The following FAM117A variants were observed in gnomAD, a reference collection of about 807,000 sequenced individuals.
FAM117A encodes protein FAM117A.
A neutral mutation model predicts 44.1 loss-of-function variants in FAM117A; 21 were observed. The ratio of observed to expected loss-of-function variants is 0.48; its 90% confidence interval spans 0.34 to 0.69. The LOEUF (loss-of-function observed/expected upper bound fraction) is 0.69, where lower values mean the gene tolerates loss of function less well. Ranked by LOEUF, FAM117A falls within the 30% of genes least tolerant of loss-of-function variation. The pLI, the probability that FAM117A is intolerant of heterozygous loss-of-function variation, is 0.01. For missense variants in FAM117A, 498 were observed against 589.9 expected (o/e 0.84, Z 1.61); for synonymous variants, 220 against 238.3 (o/e 0.92, Z 0.71).
intron 1 of FAM117A, among the ~76,000 whole-genome samples, chr17:49,785,027 A>G (rs2073801800): frequency 6.6e-6 from 1 of 152,274 alleles, no homozygotes; most frequent in Non-Finnish European, 1.5e-5. Flanking sequence ...AGTCACTAAC[A>G]TTAGAATGTT....
upstream of FAM117A, chr17:49,788,924 C>T (rs1042239168): frequency 7.2e-7 from 1 of 1,379,724 alleles, no homozygotes; most frequent in African/African-American, 1.5e-5. Flanking sequence ...TTGGCCACGC[C>T]TCACAGTGCT....
chr17:49,718,628 G>A (rs979892597), intron 5 of FAM117A, among the ~76,000 whole-genome samples: 1 of 150,036 alleles, frequency 6.7e-6, no homozygotes, highest in Non-Finnish European at 1.5e-5. Flanking sequence ...CCCAGATCAC[G>A]CCACTGCACT....
intron 2 of FAM117A, among the ~76,000 whole-genome samples, chr17:49,727,957 G>A (rs2073567483): frequency 6.6e-6 from 1 of 152,228 alleles, no homozygotes; most frequent in African/African-American, 2.4e-5. Flanking sequence ...AAATTCTGCA[G>A]GGAATCAGTC....
At chr17:49,771,272 T>C (rs1394359419) in intron 1 of FAM117A, among the ~76,000 whole-genome samples, 1 of 152,202 alleles carries the variant, frequency 6.6e-6, no homozygotes, top group Non-Finnish European at 1.5e-5. Flanking sequence ...GGTTTATAAA[T>C]TATACCTCAA....
chr17:49,715,813 G>A (rs192237296), intron 7 of FAM117A, among the ~76,000 whole-genome samples: 1,698 of 151,978 alleles, frequency 0.011, 34 homozygotes, highest in East Asian at 0.098. Flanking sequence ...CCCATCTCTC[G>A]CTCTCGCTCT....
chr17:49,779,765 A>C (rs971902133), intron 1 of FAM117A, among the ~76,000 whole-genome samples: 1 of 152,198 alleles, frequency 6.6e-6, no homozygotes, highest in Non-Finnish European at 1.5e-5. Flanking sequence ...ATAGTTTTCC[A>C]GGGGTATTAA....
intron 1 of FAM117A, among the ~76,000 whole-genome samples, chr17:49,746,419 A>C (rs574231799): frequency 2.5e-4 from 38 of 152,366 alleles, no homozygotes; most frequent in African/African-American, 8.7e-4. Flanking sequence ...CAACTGGGTC[A>C]CTAGACTTCT....
At chr17:49,741,510 T>G (rs1034113285) in intron 1 of FAM117A, among the ~76,000 whole-genome samples, 1 of 152,202 alleles carries the variant, frequency 6.6e-6, no homozygotes, top group Non-Finnish European at 1.5e-5. Context: ...TACATGCTTT[T>G]CTACAACCTG....
intron 1 of FAM117A, among the ~76,000 whole-genome samples, chr17:49,771,175 C>T (rs1050651984): frequency 5.3e-5 from 8 of 152,136 alleles, no homozygotes; most frequent in Non-Finnish European, 1.2e-4. Context: ...CCACTGCACT[C>T]CGGCCCAGGC....
At chr17:49,788,546 C>T in exon 1 of FAM117A, 2 of 394,016 alleles carry the variant, frequency 5.1e-6, no homozygotes, top group Admixed American at 4.4e-5. Context: ...TCACTTTCTG[C>T]CCAACTTCAA....
chr17:49,768,767 C>A (rs1325236508), upstream of FAM117A, among the ~76,000 whole-genome samples: 1 of 152,164 alleles, frequency 6.6e-6, no homozygotes, highest in Non-Finnish European at 1.5e-5. Context: ...CACTCTGGTG[C>A]CTCCCTCTCC....
At position 49,785,575 on chromosome 17, in the gene FAM117A, C is replaced by T. The variant is rs530914459; in HGVS notation, c.-621+2922G>A. 1.7e-4 allele frequency among the ~76,000 whole-genome samples: 26 copies of T among 152,078 alleles called. No individual in the cohort carries two copies. The East Asian group carries it at 4.1e-3, about 24-fold the overall frequency. On this transcript the variant is annotated intron_variant, in intron 1 of 7. Coordinates refer to the FAM117A transcript ENST00000513602. ...GTAATGCAGGTAGGAAGCAGCAGAG[C>T]GGAGATTAAAATTCAGATCTGACAT... is the stretch of plus-strand genomic sequence containing the variant.
In FAM117A at chr17:49,716,157, G is replaced by A. The variant is rs753844592; in HGVS notation, c.1061+8C>T. 2 of 1,605,858 alleles carry A rather than the reference G, an allele frequency of 1.2e-6. No homozygotes were observed. Among genetic ancestry groups the A allele is most frequent in the Non-Finnish European group, 1.7e-6 (2 of 1,175,412 alleles). ...CCCTCCCACACCCTGTCCACTTGGTGTACTCACGTGGCTTCTTCAAACACA... is the reference window on the plus strand; with the variant it reads ...CCCTCCCACACCCTGTCCACTTGGTATACTCACGTGGCTTCTTCAAACACA... On this transcript the variant is annotated splice_region_variant and intron_variant, in intron 7 of 7. Transcript: ENST00000240364.
At chr17:49,724,201 C>T (rs1468234862) in intron 2 of FAM117A, among the ~76,000 whole-genome samples, 2 of 152,122 alleles carry the variant, frequency 1.3e-5, no homozygotes, top group Non-Finnish European at 2.9e-5. Context: ...ACCCAGCAGA[C>T]ACACAAAGGA....
At chr17:49,714,296 G>T (rs1033708399) in intron 7 of FAM117A, among the ~76,000 whole-genome samples, 1 of 151,604 alleles carries the variant, frequency 6.6e-6, no homozygotes, top group Non-Finnish European at 1.5e-5. Flanking sequence ...TTTAAATCCC[G>T]GCATATCTTA....
chr17:49,722,527 G>T lies in FAM117A; in HGVS notation c.434C>A (p.Ser145Tyr). Reference sequence around the variant, plus strand: ...TTTTCGGTGGTCTGTGCTGCCCCAGGATGCTGAGCGCTTGTGTGCACAGGA... The same window carrying T: ...TTTTCGGTGGTCTGTGCTGCCCCAGTATGCTGAGCGCTTGTGTGCACAGGA... Reference protein sequence around the residue: ...ASSCAHKRSASWGSTDHRKEI... With the variant: ...ASSCAHKRSAYWGSTDHRKEI... Residue 145 changes from serine (S) to tyrosine (Y), a missense_variant, in exon 3 of 8, where the codon TCC becomes TAC. Physicochemically the swap from Ser to Tyr is moderately radical, Grantham distance 144 (BLOSUM62 -2). Transcript: ENST00000240364. The T allele has an allele frequency of 6.2e-7, 1 of 1,613,952 alleles. No individual in the cohort carries two copies.
chr17:49,760,053 G>A (rs543829836), intron 1 of FAM117A, among the ~76,000 whole-genome samples: 51 of 152,298 alleles, frequency 3.3e-4, no homozygotes, highest in African/African-American at 1.1e-3. Context: ...GGGCAAATTT[G>A]CCTAACAGTT....
chr17:49,787,255 C>T (rs2073817401), intron 1 of FAM117A, among the ~76,000 whole-genome samples: 1 of 152,162 alleles, frequency 6.6e-6, no homozygotes, highest in African/African-American at 2.4e-5. Context: ...AAATTAAATG[C>T]TTAAGTGGTG....
At position 49,710,485 on chromosome 17, in the gene FAM117A, A is replaced by G. The variant is rs2073471562; in HGVS notation, c.*770T>C. 1 of 152,690 alleles carries G rather than the reference A, an allele frequency of 6.5e-6. No individual in the cohort carries two copies. Among genetic ancestry groups the G allele is most frequent in the African/African-American group, 2.4e-5 (1 of 41,470 alleles). The allele number at this position is 152,690 out of a possible 1,614,324, so 9.5% of individuals were successfully genotyped here. A position where few individuals can be genotyped will look rare whatever the true frequency, so the allele number is the denominator to read the frequency against. On this transcript the variant is annotated 3_prime_UTR_variant, in exon 8 of 8. Transcript: ENST00000240364. ...AAATATACAAACTTCAAACAGCTGC[A>G]AAAATAGTGTCTTTGGGAGAAAATA...
Sources: gnomAD v4.1 joint callset for allele counts (sites outside exome capture counted in the v4.1 genomes callset) on GRCh38, gnomAD v4.1.1 for gene constraint, MANE v1.5 for transcripts, NCBI Gene and HGNC (gene_info 2026-07-23, HGNC 2026-07-21) for gene names.